Variants in WNK1 observed in about 807,000 individuals in gnomAD.
WNK1 encodes WNK lysine deficient protein kinase 1.
In WNK1, 38 loss-of-function variants were observed where a neutral mutation model predicts 222.8. The ratio of observed to expected loss-of-function variants is 0.17; its 90% confidence interval spans 0.13 to 0.22. The LOEUF (loss-of-function observed/expected upper bound fraction) is 0.22. Ranked by LOEUF, WNK1 falls within the 10% of genes least tolerant of loss-of-function variation. WNK1 has a pLI of 1.00. For synonymous variants in WNK1, 1,090 were observed against 1,092.9 expected, an observed-to-expected ratio of 1.00 and a Z score of 0.05; for missense variants, 2,348 against 2,918.4, an observed-to-expected ratio of 0.80 and a Z score of 4.50.
rs780229328 is a variant in WNK1, at chr12:885,603, T to C, written c.4799T>C (p.Ile1600Thr). 6.8e-6 allele frequency: 11 copies of C among 1,613,994 alleles called. No individual in the cohort carries two copies. In the African/African-American group the frequency reaches 1.5e-4, roughly 22 times the overall value. Residue 1600 changes from isoleucine to threonine, a missense_variant, in exon 19 of 28, where the codon ATC becomes ACC. Ile to Thr is a moderately conservative substitution (Grantham distance 89). Around this residue, in one of 13 missense-constraint regions of WNK1, gnomAD observed 1,144 missense variants for 1,273.6 expected, o/e 0.90. Transcript: ENST00000315939. ...CCTTTATTACCCCAAGTACCTAGTATCCCACCCTTGGTACAGCCTGTTGCC... is the reference window on the plus strand; with the variant it reads ...CCTTTATTACCCCAAGTACCTAGTACCCCACCCTTGGTACAGCCTGTTGCC... ...STPLLPQVPS[I>T]PPLVQPVANV... is the part of the protein sequence containing the mutation.
chr12:754,300 G>C lies in WNK1; in HGVS notation c.735G>C (p.Val245=), dbSNP rs752443662. Residue 245 remains valine (V), a synonymous_variant, in exon 1 of 28, where the codon GTG becomes GTC. Coordinates refer to ENST00000315939, the MANE Select transcript of WNK1 (RefSeq NM_018979.4). ...VYKGLDTETT[V]EVAWCELQDR... is the part of the protein sequence containing the mutation. ...AAGGTCTGGACACTGAAACCACCGTGGAAGTCGCCTGGTGTGAACTGCAGG... is the reference window on the plus strand; with the variant it reads ...AAGGTCTGGACACTGAAACCACCGTCGAAGTCGCCTGGTGTGAACTGCAGG... The C allele has an allele frequency of 3.7e-6, 6 of 1,613,526 alleles. No homozygotes were observed. The highest frequency in any genetic ancestry group is 4.2e-6 in the Non-Finnish European group (5 of 1,180,046).
chr12:797,948 CAAAA>C (rs10542152), intron 1 of WNK1, among the ~76,000 whole-genome samples: 36 of 123,832 alleles, frequency 2.9e-4, no homozygotes, highest in Admixed American at 4.0e-4. Context: ...GACTCTGTCT[CAAAA>C]AAAAAAAAAA....
chr12:779,551 C>T (rs1476362020), intron 1 of WNK1, among the ~76,000 whole-genome samples: 1 of 151,808 alleles, frequency 6.6e-6, no homozygotes, highest in Non-Finnish European at 1.5e-5. Flanking sequence ...ATTACAGGTG[C>T]GCGCCGCACC....
intron 1 of WNK1, among the ~76,000 whole-genome samples, chr12:772,970 C>G (rs1942706145): frequency 6.6e-6 from 1 of 151,966 alleles, no homozygotes; most frequent in Admixed American, 6.6e-5. Flanking sequence ...ATTGTAAGTT[C>G]TTTGAGGAGC....
At chr12:846,343 A>G (rs1000372687) in intron 4 of WNK1, among the ~76,000 whole-genome samples, 24 of 152,180 alleles carry the variant, frequency 1.6e-4, no homozygotes, top group Non-Finnish European at 2.9e-4. Flanking sequence ...ATTTAGCACC[A>G]CTTTGGTGTG....
At chr12:879,448 T>G (rs1592145658) in intron 10 of WNK1, 125 bp from the exon 11 acceptor site, 7 of 694,686 alleles carry the variant, frequency 1.0e-5, no homozygotes, top group East Asian at 3.0e-5. Flanking sequence ...GGTTTGGTGT[T>G]TTTTTTTTTG....
At chr12:900,775 C>A in intron 26 of WNK1, 105 bp downstream of exon 26, 1 of 1,356,692 alleles carries the variant, frequency 7.4e-7, no homozygotes, top group Non-Finnish European at 1.1e-6. Context: ...GACCAGAACA[C>A]AGCCTGTGTG....
chr12:895,950 G>C (rs1954702816), intron 23 of WNK1, 121 bp from the exon 24 acceptor site: 1 of 1,344,356 alleles, frequency 7.4e-7, no homozygotes, highest in Middle Eastern at 2.3e-4. Context: ...TATGTAAAGA[G>C]ACAATCAGCC....
intron 1 of WNK1, among the ~76,000 whole-genome samples, chr12:762,790 C>T (rs1941204776): frequency 6.8e-6 from 1 of 146,706 alleles, no homozygotes; most frequent in Non-Finnish European, 1.5e-5. Context: ...TCTTGTTGCC[C>T]AGCTGGAGTG....
At chr12:902,026 G>T (rs901650877) in intron 26 of WNK1, among the ~76,000 whole-genome samples, 2 of 151,870 alleles carry the variant, frequency 1.3e-5, no homozygotes, top group Non-Finnish European at 2.9e-5. Context: ...AGCCAGACAC[G>T]GTGGCGTACA....
At chr12:869,596 G>A (rs1483442880) in intron 8 of WNK1, among the ~76,000 whole-genome samples, 2 of 152,066 alleles carry the variant, frequency 1.3e-5, no homozygotes, top group African/African-American at 2.4e-5. Context: ...TTTCATTAGT[G>A]TCGAAGGATC....
Position 883,720 on chromosome 12 carries a change from C to G in WNK1, c.3664-54C>G, listed in dbSNP as rs1041483457. On this transcript the variant is annotated intron_variant, in intron 16 of 27. Transcript: ENST00000315939. ...CTTCACATGTGGCAGTTTGCTTTGCCTAGTCATTGAGATTGCATTTGAGAA... is the reference window on the plus strand; with the variant it reads ...CTTCACATGTGGCAGTTTGCTTTGCGTAGTCATTGAGATTGCATTTGAGAA... 14 of 1,608,738 alleles carry G rather than the reference C, an allele frequency of 8.7e-6. 1 individual carries two copies. In the Admixed American group the frequency reaches 2.2e-4, roughly 25 times the overall value.
chr12:830,726 C>G (rs1948726943), intron 4 of WNK1, among the ~76,000 whole-genome samples: 1 of 152,164 alleles, frequency 6.6e-6, no homozygotes. Flanking sequence ...ATTCATTTTA[C>G]TTTATCACTA....
chr12:831,711 C>T (rs10735065), intron 4 of WNK1, among the ~76,000 whole-genome samples: 96,848 of 151,760 alleles, frequency 0.64, 31,764 homozygotes, highest in East Asian at 0.87. Flanking sequence ...AATGAATTAA[C>T]ATTTTTAAAC....
chr12:851,756 T>C (rs749027849), intron 4 of WNK1: 5 of 1,347,022 alleles, frequency 3.7e-6, no homozygotes, highest in Non-Finnish European at 3.9e-6. Flanking sequence ...TTGCTGCTGC[T>C]GCCCTCAAAA....
chr12:897,538 A>G lies in WNK1; in HGVS notation c.6305A>G (p.Tyr2102Cys), dbSNP rs1240503074. ...SRQKHEIESL[Y>C]TKLGKVPPAV... ...CAGAAGCATGAAATTGAATCTTTGT[A>G]TACCAAACTGGGCAAGGTGCCCCCT... Residue 2102 changes from tyrosine to cysteine, a missense_variant, in exon 25 of 28, where the codon TAT (tyrosine) becomes TGT (cysteine). Physicochemically the swap from Tyr to Cys is radical, Grantham distance 194. Coordinates refer to ENST00000315939, the MANE Select transcript of WNK1 (RefSeq NM_018979.4). 1.2e-6 allele frequency: 2 copies of G among 1,613,680 alleles called. No homozygotes were observed. Among genetic ancestry groups the G allele is most frequent in the Admixed American group, 1.7e-5 (1 of 60,030 alleles).
chr12:793,121 A>G (rs1018688202), intron 1 of WNK1, among the ~76,000 whole-genome samples: 4 of 152,324 alleles, frequency 2.6e-5, no homozygotes, highest in African/African-American at 7.2e-5. Context: ...ACTTATAGCA[A>G]TAGAGCACAA....
chr12:866,449 G>A (rs753806156), intron 8 of WNK1, among the ~76,000 whole-genome samples: 2 of 152,146 alleles, frequency 1.3e-5, no homozygotes, highest in Non-Finnish European at 2.9e-5. Context: ...GGCAACCTCT[G>A]CCTCCTGGGT....
At position 851,094 on chromosome 12, in the gene WNK1, G is replaced by A. The variant is rs180759305; in HGVS notation, c.1312-6067G>A. ...GAACTATTATCTCCACTTTAAAAAC[G>A]AATTTAAGGGATATGGTCCAGGTCA... On this transcript the variant is annotated intron_variant, in intron 4 of 27. Coordinates refer to ENST00000315939, the MANE Select transcript of WNK1 (RefSeq NM_018979.4). Among the ~76,000 whole-genome samples, 425 of 152,258 alleles carry A rather than the reference G, an allele frequency of 2.8e-3. 4 individuals carry two copies. The highest frequency in any genetic ancestry group is 2.4e-3 in the Non-Finnish European group (166 of 68,012).
Sources: gnomAD v4.1 joint callset for allele counts (sites outside exome capture counted in the v4.1 genomes callset) on GRCh38, gnomAD v4.1.1 for gene constraint, gnomAD v4.1.1 regional missense constraint, MANE v1.5 for transcripts, NCBI Gene and HGNC (gene_info 2026-07-23, HGNC 2026-07-21) for gene names.